CAMTA1: variants seen among roughly 807,000 people sequenced by gnomAD.
CAMTA1 encodes calmodulin binding transcription activator 1, also known as calmodulin-binding transcription activator 1.
Under a neutral mutation model 170.9 loss-of-function variants are expected in CAMTA1, and 27 were observed. That is an observed-to-expected ratio of 0.16 (90% CI 0.12 to 0.22). The LOEUF is 0.22. Ranked by LOEUF, CAMTA1 falls within the 10% of genes least tolerant of loss-of-function variation. The pLI, the probability that CAMTA1 is intolerant of heterozygous loss-of-function variation, is 1.00. For synonymous variants in CAMTA1, 833 were observed against 891.5 expected, an observed-to-expected ratio of 0.93 and a Z score of 1.17; for missense variants, 1,619 against 2,217.2, an observed-to-expected ratio of 0.73 and a Z score of 5.42.
intron 6 of CAMTA1, among the ~76,000 whole-genome samples, chr1:7,528,389 G>T (rs1004265791): frequency 6.6e-6 from 1 of 151,936 alleles, no homozygotes; most frequent in Non-Finnish European, 1.5e-5. Context: ...TAGCTTCAAG[G>T]CCTGACACTC....
At chr1:7,485,007 C>T (rs1031361581) in intron 6 of CAMTA1, among the ~76,000 whole-genome samples, 27 of 152,160 alleles carry the variant, frequency 1.8e-4, no homozygotes, top group African/African-American at 6.3e-4. Context: ...CCGGCCCACG[C>T]TCACCATGGG....
chr1:7,031,992 GTC>G (rs1243178202), intron 3 of CAMTA1, among the ~76,000 whole-genome samples: 1 of 151,644 alleles, frequency 6.6e-6, no homozygotes, highest in African/African-American at 2.4e-5. Flanking sequence ...TTGAGATGGA[GTC>G]CTGCTCTGTT....
intron 5 of CAMTA1, among the ~76,000 whole-genome samples, chr1:7,262,673 C>G: frequency 6.6e-6 from 1 of 152,184 alleles, no homozygotes; most frequent in African/African-American, 2.4e-5. Context: ...AACTCATTTC[C>G]CCTTTGCAGG....
rs12094307 is a variant in CAMTA1, at chr1:7,014,109, C to T, written c.235-77195C>T. On this transcript the variant is annotated intron_variant, in intron 3 of 22. Transcript: ENST00000303635. The surrounding 1 kb of genome is among the most constrained non-coding windows in gnomAD (Gnocchi z 4.2). ...GAAGGGCTTGCTCTGCCAAGGGGAC[C>T]GGCTGGCTGGGGCAGCGCCTGGGCA... is the stretch of plus-strand genomic sequence containing the variant. 5,240 of 152,504 alleles carry T rather than the reference C, an allele frequency of 0.034. 236 individuals carry two copies. Among genetic ancestry groups the T allele is most frequent in the African/African-American group, 0.1 (4,233 of 41,540 alleles). The allele number at this position is 152,504 out of a possible 1,614,324, so 9.4% of individuals were successfully genotyped here. A position where few individuals can be genotyped will look rare whatever the true frequency, so the allele number is the denominator to read the frequency against.
intron 3 of CAMTA1, among the ~76,000 whole-genome samples, chr1:6,899,641 A>G (rs1676500868): frequency 2.0e-5 from 3 of 152,164 alleles, no homozygotes; most frequent in Non-Finnish European, 4.4e-5. Flanking sequence ...CCACTGGGCA[A>G]AAATAACACT....
chr1:7,636,104 A>G (rs1361304452), intron 6 of CAMTA1, among the ~76,000 whole-genome samples: 2 of 152,180 alleles, frequency 1.3e-5, no homozygotes, highest in Admixed American at 1.3e-4. Context: ...AATTGTATCA[A>G]AACAAGGGAG....
intron 6 of CAMTA1, among the ~76,000 whole-genome samples, chr1:7,560,482 A>C (rs139847750): frequency 6.6e-6 from 1 of 152,228 alleles, no homozygotes; most frequent in Admixed American, 6.5e-5. Flanking sequence ...CTGTGAAATG[A>C]GCCATGTAGA....
At chr1:7,071,379 T>C (rs577717010) in intron 3 of CAMTA1, among the ~76,000 whole-genome samples, 1 of 152,364 alleles carries the variant, frequency 6.6e-6, no homozygotes, top group South Asian at 2.1e-4. Context: ...ATGTATGGAG[T>C]AAATCATTAG....
intron 6 of CAMTA1, among the ~76,000 whole-genome samples, chr1:7,558,069 C>T (rs1359176737): frequency 6.6e-6 from 1 of 152,186 alleles, no homozygotes; most frequent in African/African-American, 2.4e-5. Context: ...GCCTCCTCCT[C>T]GCCTGGCTCT....
At position 7,747,714 on chromosome 1, in the gene CAMTA1, G is replaced by T; in HGVS notation, c.4622G>T (p.Arg1541Leu). 1.2e-6 allele frequency: 2 copies of T among 1,606,166 alleles called. No homozygotes were observed. The highest frequency in any genetic ancestry group is 2.2e-5 in the South Asian group (2 of 89,682). Reference protein sequence around the residue: ...VQTAFRKYKGRPLREQQEVAA... With the variant: ...VQTAFRKYKGLPLREQQEVAA... ...TCTCCTTACTTTACCCTTAAGGGCC[G>T]ACCCTTGCGGGAACAGCAAGAAGTA... is the stretch of plus-strand genomic sequence containing the variant. The change falls in exon 19 of 23, where the codon CGA becomes CTA. Residue 1541 changes from arginine to leucine, a missense_variant. Arg to Leu is a moderately radical substitution (Grantham distance 102). Transcript: ENST00000303635.
intron 3 of CAMTA1, among the ~76,000 whole-genome samples, chr1:7,057,364 A>C (rs1707508335): frequency 6.6e-6 from 1 of 152,152 alleles, no homozygotes; most frequent in African/African-American, 2.4e-5. Flanking sequence ...AGGGTTTTTA[A>C]AAAATCAACT....
At chr1:7,582,907 C>T (rs572281889) in intron 6 of CAMTA1, among the ~76,000 whole-genome samples, 1 of 150,366 alleles carries the variant, frequency 6.7e-6, no homozygotes, top group Admixed American at 6.6e-5. Context: ...GGCTGTAACC[C>T]AGACCTTACC....
intron 4 of CAMTA1, among the ~76,000 whole-genome samples, chr1:7,204,830 C>CTTTTTTTTTTTTTTTTTTTTT (rs367812076): frequency 1.8e-4 from 16 of 86,804 alleles, no homozygotes; most frequent in East Asian, 3.3e-4. Flanking sequence ...TTCTTTTTTT[C>CTTTTTTTTTTTTTTTTTTTTT]TTTTTTTTTT....
chr1:7,574,620 G>A (rs1274524144), intron 6 of CAMTA1, among the ~76,000 whole-genome samples: 1 of 152,168 alleles, frequency 6.6e-6, no homozygotes, highest in African/African-American at 2.4e-5. Flanking sequence ...AACACGGGCT[G>A]TTTATTTAGC....
intron 4 of CAMTA1, among the ~76,000 whole-genome samples, chr1:7,165,401 C>T (rs1648173856): frequency 6.6e-6 from 1 of 152,102 alleles, no homozygotes; most frequent in Admixed American, 6.6e-5. Flanking sequence ...CCTCTGGCCC[C>T]AGTGATAGTG....
intron 4 of CAMTA1, among the ~76,000 whole-genome samples, chr1:7,109,878 C>T (rs570164647): frequency 7.9e-5 from 12 of 152,242 alleles, no homozygotes; most frequent in South Asian, 2.1e-4. Flanking sequence ...GAGGAGCACT[C>T]GGGGTCTGAA....
intron 6 of CAMTA1, among the ~76,000 whole-genome samples, chr1:7,535,259 C>T (rs957133155): frequency 3.3e-5 from 5 of 151,898 alleles, no homozygotes; most frequent in African/African-American, 1.2e-4. Context: ...CTGGCAGGGC[C>T]CCCGGTCCTC....
chr1:7,534,352 G>A lies in CAMTA1; in HGVS notation c.510+66451G>A, dbSNP rs1055308931. ...CCAAGCATCCATTCTAGAAAGGGAG[G>A]AATTAAATCTTCCTGACACCCCGGG... On this transcript the variant is annotated intron_variant, in intron 6 of 22. Transcript: ENST00000303635. This position sits in a 1 kb window ranked among gnomAD's most constrained non-coding sequence, Gnocchi z 5.6. Among the ~76,000 whole-genome samples the A allele has an allele frequency of 6.6e-6, 1 of 152,192 alleles. No individual in the cohort carries two copies. Among genetic ancestry groups the A allele is most frequent in the Non-Finnish European group, 1.5e-5 (1 of 68,036 alleles).
chr1:7,049,985 A>C (rs1706052515), intron 3 of CAMTA1, among the ~76,000 whole-genome samples: 1 of 152,108 alleles, frequency 6.6e-6, no homozygotes, highest in Admixed American at 6.5e-5. Context: ...AAAGTGAAGG[A>C]GGGAATGGGG....
Sources: gnomAD v4.1 joint callset for allele counts (sites outside exome capture counted in the v4.1 genomes callset) on GRCh38, gnomAD v4.1.1 for gene constraint, Gnocchi (gnomAD v3.1) non-coding constraint, MANE v1.5 for transcripts, NCBI Gene and HGNC (gene_info 2026-07-23, HGNC 2026-07-21) for gene names.